RGL1: variants seen among roughly 807,000 people sequenced by gnomAD.
RGL1 encodes ral guanine nucleotide dissociation stimulator like 1, also known as ral guanine nucleotide dissociation stimulator-like 1.
RGL1 carries 24 observed loss-of-function variants against 95.2 expected under a neutral mutation model. The observed-to-expected ratio is 0.25, with a 90% CI of 0.18 to 0.35. The LOEUF is 0.35. Ranked by LOEUF, RGL1 falls within the 10% of genes least tolerant of loss-of-function variation. RGL1 has a pLI of 1.00. For missense variants in RGL1, 715 were observed against 936.3 expected (o/e 0.76, Z 3.08); for synonymous variants, 329 against 344.9 (o/e 0.95, Z 0.51).
intron 2 of RGL1, among the ~76,000 whole-genome samples, chr1:183,819,197 G>A (rs1406423674): frequency 3.3e-5 from 5 of 152,146 alleles, no homozygotes; most frequent in Admixed American, 6.5e-5. Flanking sequence ...AAGCCAATAA[G>A]GCTTTGCCCT....
chr1:183,784,793 T>G (rs1572408236), intron 2 of RGL1, among the ~76,000 whole-genome samples: 2 of 152,244 alleles, frequency 1.3e-5, no homozygotes, highest in East Asian at 3.9e-4. Flanking sequence ...TTCAGGAAGA[T>G]CAATTTGATC....
intron 2 of RGL1, among the ~76,000 whole-genome samples, chr1:183,833,953 T>C (rs921539630): frequency 7.7e-6 from 1 of 129,828 alleles, no homozygotes; most frequent in Non-Finnish European, 1.6e-5. Flanking sequence ...AAATGAGCCA[T>C]ATCTCTCTCT....
chr1:183,720,125 G>T (rs916860730), intron 1 of RGL1, among the ~76,000 whole-genome samples: 1 of 152,148 alleles, frequency 6.6e-6, no homozygotes, highest in African/African-American at 2.4e-5. Context: ...CAAAAGTAAG[G>T]ATTCATTAAG....
intron 2 of RGL1, among the ~76,000 whole-genome samples, chr1:183,812,170 G>T (rs1244779462): frequency 6.6e-6 from 1 of 152,168 alleles, no homozygotes; most frequent in Non-Finnish European, 1.5e-5. Context: ...ATTCTAATTT[G>T]TACCATCATA....
chr1:183,732,610 C>T (rs1395284098), intron 1 of RGL1, among the ~76,000 whole-genome samples: 1 of 152,090 alleles, frequency 6.6e-6, no homozygotes, highest in Non-Finnish European at 1.5e-5. Context: ...TAACCCTTAA[C>T]CTTAGTGAAA....
intron 2 of RGL1, among the ~76,000 whole-genome samples, chr1:183,807,696 G>C (rs905160721): frequency 6.6e-6 from 1 of 152,094 alleles, no homozygotes; most frequent in Non-Finnish European, 1.5e-5. Context: ...CTGTACTTTG[G>C]GCCAAGGTAT....
chr1:183,771,789 C>T (rs1461233178), intron 2 of RGL1, among the ~76,000 whole-genome samples: 1 of 152,142 alleles, frequency 6.6e-6, no homozygotes, highest in Non-Finnish European at 1.5e-5. Context: ...TTGCGTTTCC[C>T]AACACCACCC....
rs111460438 is a variant in RGL1 at position 183,889,875 on chromosome 1, T to C, written c.1055+1298T>C. Reference sequence around the variant, plus strand: ...GGCTTTTCAAAGACCAATGCAATTTTCTTGATTATTATTCTTTTTTTAGGT... The same window carrying C: ...GGCTTTTCAAAGACCAATGCAATTTCCTTGATTATTATTCTTTTTTTAGGT... On this transcript the variant is annotated intron_variant, in intron 8 of 17. Coordinates refer to ENST00000360851, the MANE Select transcript of RGL1 (RefSeq NM_001297671.3). Among the ~76,000 whole-genome samples, 1,390 of 152,298 alleles carry C rather than the reference T, an allele frequency of 9.1e-3. 25 individuals carry two copies. Among genetic ancestry groups the C allele is most frequent in the African/African-American group, 0.029 (1,185 of 41,562 alleles).
At chr1:183,680,937 G>A (rs1572267409) in intron 1 of RGL1, among the ~76,000 whole-genome samples, 1 of 152,056 alleles carries the variant, frequency 6.6e-6, no homozygotes. Context: ...TCTCTTTATA[G>A]CAATTGTGAA....
chr1:183,773,620 G>A (rs890324400), intron 2 of RGL1, among the ~76,000 whole-genome samples: 1 of 152,204 alleles, frequency 6.6e-6, no homozygotes, highest in African/African-American at 2.4e-5. Context: ...CTGAGAATCA[G>A]CAACATATGT....
chr1:183,647,921 GA>G, intron 1 of RGL1: 1 of 1,614,208 alleles, frequency 6.2e-7, no homozygotes, highest in Non-Finnish European at 8.5e-7. Flanking sequence ...CAGGAGCCCT[GA>G]GGTCTGGAGG....
intron 1 of RGL1, among the ~76,000 whole-genome samples, chr1:183,708,964 G>A (rs963676124): frequency 3.9e-5 from 6 of 152,186 alleles, no homozygotes; most frequent in Non-Finnish European, 8.8e-5. Flanking sequence ...ACCACAAGGC[G>A]GTGTGGAGCA....
At chr1:183,860,631 C>G (rs1665454523) in intron 3 of RGL1, among the ~76,000 whole-genome samples, 1 of 152,204 alleles carries the variant, frequency 6.6e-6, no homozygotes, top group Non-Finnish European at 1.5e-5. Flanking sequence ...TTTTCACATT[C>G]ACATTGGGCC....
intron 2 of RGL1, among the ~76,000 whole-genome samples, chr1:183,831,000 G>A (rs1466460111): frequency 1.3e-5 from 2 of 152,130 alleles, no homozygotes; most frequent in Non-Finnish European, 2.9e-5. Context: ...CCATTATGTA[G>A]TAGACATTAT....
intron 4 of RGL1, among the ~76,000 whole-genome samples, chr1:183,866,487 G>T (rs115070174): frequency 6.6e-6 from 1 of 152,280 alleles, no homozygotes; most frequent in East Asian, 1.9e-4. Context: ...GGAGCACGCC[G>T]AAATGAGGTG....
intron 1 of RGL1, among the ~76,000 whole-genome samples, chr1:183,697,728 C>T (rs1020066766): frequency 3.3e-5 from 5 of 152,198 alleles, no homozygotes; most frequent in African/African-American, 4.8e-5. Context: ...TTTTTAGTTG[C>T]GTGCTGGTAC....
At chr1:183,751,227 G>A (rs1288584783) in intron 2 of RGL1, among the ~76,000 whole-genome samples, 4 of 152,206 alleles carry the variant, frequency 2.6e-5, no homozygotes, top group African/African-American at 9.7e-5. Context: ...ACCCCTGACT[G>A]GGGCTGCTGC....
At chr1:183,869,043 G>A (rs1220771477) in intron 4 of RGL1, among the ~76,000 whole-genome samples, 1 of 152,186 alleles carries the variant, frequency 6.6e-6, no homozygotes, top group African/African-American at 2.4e-5. Context: ...GCTTGAGCCT[G>A]GGAGGTTGAG....
intron 1 of RGL1, among the ~76,000 whole-genome samples, chr1:183,681,247 T>A (rs561227342): frequency 5.9e-5 from 9 of 152,234 alleles, no homozygotes; most frequent in Non-Finnish European, 1.2e-4. Context: ...ATCCTTGTCT[T>A]GTGCCTGTTT....
Sources: gnomAD v4.1 joint callset for allele counts (sites outside exome capture counted in the v4.1 genomes callset) on GRCh38, gnomAD v4.1.1 for gene constraint, MANE v1.5 for transcripts, NCBI Gene and HGNC (gene_info 2026-07-23, HGNC 2026-07-21) for gene names.